Variants in NXPE2 observed in about 807,000 individuals in gnomAD.
NXPE2 encodes the protein neurexophilin and PC-esterase domain family member 2.
A neutral mutation model predicts 34.4 loss-of-function variants in NXPE2; 34 were observed. The observed-to-expected ratio is 0.99, with a 90% CI of 0.75 to 1.31. The LOEUF is 1.31. Among genes scored for constraint, NXPE2 ranks in the 40% most tolerant of loss-of-function variants. The pLI is 0.00. For synonymous variants in NXPE2, 235 were observed against 231.3 expected, an observed-to-expected ratio of 1.02 and a Z score of -0.15; for missense variants, 649 against 672.5, an observed-to-expected ratio of 0.97 and a Z score of 0.39.
At chr11:114,788,794 T>C in the NXPE2 span, among the ~76,000 whole-genome samples, 1 of 152,300 alleles carries the variant, frequency 6.6e-6, no homozygotes, top group African/African-American at 2.4e-5. Context: ...CCATAGTACA[T>C]TGTGTGGATT....
chr11:114,630,417 TGGGGA>T, the NXPE2 span, among the ~76,000 whole-genome samples: 16 of 151,782 alleles, frequency 1.1e-4, no homozygotes, highest in Admixed American at 1.0e-3. Context: ...AAACAAGCAA[TGGGGA>T]AAGTATTCCC....
the NXPE2 span, among the ~76,000 whole-genome samples, chr11:114,555,100 T>C: frequency 6.6e-6 from 1 of 152,112 alleles, no homozygotes; most frequent in Non-Finnish European, 1.5e-5. Context: ...ATCTCTTCAA[T>C]TTGTGGTTCT....
At chr11:114,522,343 A>G in the NXPE2 span, 3 of 1,614,136 alleles carry the variant, frequency 1.9e-6, no homozygotes, top group Non-Finnish European at 2.5e-6. Context: ...ATAGCCGGTC[A>G]ATTTCCCGAG....
At chr11:114,479,629 C>A in the NXPE2 span, among the ~76,000 whole-genome samples, 2 of 152,112 alleles carry the variant, frequency 1.3e-5, no homozygotes, top group South Asian at 4.2e-4. Flanking sequence ...GACACCGAGT[C>A]AGCCATGCAG....
the NXPE2 span, among the ~76,000 whole-genome samples, chr11:114,808,314 G>C: frequency 6.6e-6 from 1 of 151,798 alleles, no homozygotes; most frequent in South Asian, 2.1e-4. Context: ...ACATTCAAAA[G>C]CTAGCAGAAG....
At chr11:114,705,751 A>G in intron 4 of NXPE2, 30 bp from the exon 5 acceptor site, 10 of 1,341,210 alleles carry the variant, frequency 7.5e-6, no homozygotes, top group Non-Finnish European at 9.9e-6. Context: ...GGTAATAAAA[A>G]TTACTTAATC....
At chr11:114,632,955 T>C in the NXPE2 span, among the ~76,000 whole-genome samples, 2 of 102,418 alleles carry the variant, frequency 2.0e-5, no homozygotes, top group African/African-American at 4.1e-5. Flanking sequence ...TATGATATTT[T>C]ATATAATTAT....
chr11:114,486,554 A>G, the NXPE2 span, among the ~76,000 whole-genome samples: 8 of 152,212 alleles, frequency 5.3e-5, no homozygotes, highest in East Asian at 9.6e-4. Context: ...TATGTATTAT[A>G]GTCAAGAAAT....
the NXPE2 span, among the ~76,000 whole-genome samples, chr11:114,574,309 A>C: frequency 1.3e-5 from 2 of 152,078 alleles, no homozygotes; most frequent in Non-Finnish European, 2.9e-5. Flanking sequence ...AACTGGAGAA[A>C]CAAGAATAAT....
the NXPE2 span, among the ~76,000 whole-genome samples, chr11:114,505,602 C>G: frequency 6.6e-6 from 1 of 152,130 alleles, no homozygotes; most frequent in East Asian, 1.9e-4. Context: ...AAATTCCAAC[C>G]TAGAATTTCA....
At chr11:114,754,220 G>A in the NXPE2 span, among the ~76,000 whole-genome samples, 14 of 152,152 alleles carry the variant, frequency 9.2e-5, no homozygotes, top group African/African-American at 3.4e-4. Context: ...AGCCTGTGCA[G>A]TTAGATGGAG....
chr11:114,663,655 CTATT>C, the NXPE2 span, among the ~76,000 whole-genome samples: 4 of 146,542 alleles, frequency 2.7e-5, no homozygotes, highest in African/African-American at 7.6e-5. Context: ...CATCTATCAT[CTATT>C]TATCTATCAT....
At chr11:114,589,963 T>C in the NXPE2 span, among the ~76,000 whole-genome samples, 2 of 152,166 alleles carry the variant, frequency 1.3e-5, no homozygotes, top group African/African-American at 4.8e-5. Flanking sequence ...AACTAAATGG[T>C]TTACAGTCTT....
the NXPE2 span, among the ~76,000 whole-genome samples, chr11:114,527,551 C>T: frequency 2.0e-5 from 3 of 152,090 alleles, no homozygotes; most frequent in East Asian, 1.9e-4. Context: ...TGTAGATATC[C>T]GTCCTTCAAA....
the NXPE2 span, among the ~76,000 whole-genome samples, chr11:114,500,116 A>AT: frequency 1.1e-4 from 17 of 151,644 alleles, no homozygotes; most frequent in African/African-American, 4.1e-4. Context: ...ACATGTTTTT[A>AT]TTTTTTGGGG....
chr11:114,753,801 T>A, the NXPE2 span, among the ~76,000 whole-genome samples: 1 of 152,336 alleles, frequency 6.6e-6, no homozygotes. Context: ...ATTAAGAACA[T>A]TCTATCCTCA....
At chr11:114,719,499 T>C in the NXPE2 span, among the ~76,000 whole-genome samples, 1 of 152,206 alleles carries the variant, frequency 6.6e-6, no homozygotes, top group African/African-American at 2.4e-5. Context: ...CACATTGTCC[T>C]TGGTGGACGT....
the NXPE2 span, among the ~76,000 whole-genome samples, chr11:114,549,904 A>C: frequency 1.3e-5 from 2 of 152,180 alleles, no homozygotes; most frequent in South Asian, 4.1e-4. Context: ...ATATAAAAAA[A>C]TAGCTTTTGT....
At chr11:114,554,143 T>C in the NXPE2 span, 2 of 985,442 alleles carry the variant, frequency 2.0e-6, no homozygotes, top group South Asian at 4.7e-5. Flanking sequence ...TCAGACAGGA[T>C]TGAATCAATG....
Sources: allele counts gnomAD v4.1 joint callset (sites outside exome capture counted in the v4.1 genomes callset), GRCh38; gene constraint gnomAD v4.1.1; transcripts MANE v1.5; gene names NCBI Gene and HGNC (gene_info 2026-07-23, HGNC 2026-07-21).